TTN: variants seen among roughly 807,000 people sequenced by gnomAD.
The protein encoded by TTN is titin.
Under a neutral mutation model 3,223.0 loss-of-function variants are expected in TTN, and 1,525 were observed. The observed-to-expected ratio is 0.47, with a 90% CI of 0.45 to 0.49. The LOEUF (loss-of-function observed/expected upper bound fraction) is 0.49, where lower values mean the gene tolerates loss of function less well. Among genes scored for constraint, TTN ranks in the 20% least tolerant of loss-of-function variants. TTN has a pLI of 0.00. For missense variants in TTN, 40,786 were observed against 43,424.0 expected (o/e 0.94, Z 5.40); for synonymous variants, 14,094 against 15,161.0 (o/e 0.93, Z 5.17).
At chr2:178,706,813 TA>T in intron 101 of TTN, 48 bp downstream of exon 101, 2 of 1,600,518 alleles carry the variant, frequency 1.2e-6, no homozygotes, top group Admixed American at 1.7e-5. Context: ...AAATCATAAG[TA>T]AAAGGTATAA....
At chr2:178,556,812 A>G (rs1438600874) in intron 330 of TTN, 36 bp downstream of exon 330, 1 of 1,606,776 alleles carries the variant, frequency 6.2e-7, no homozygotes, top group South Asian at 1.1e-5. Context: ...ACTGAGTTAA[A>G]TAGCAATTTT....
rs2068006652 is a variant in TTN, at chr2:178,675,999, T to G, written c.34379-4A>C. The G allele has an allele frequency of 1.3e-6, 2 of 1,593,318 alleles. No homozygotes were observed. Among genetic ancestry groups the G allele is most frequent in the Admixed American group, 1.8e-5 (1 of 56,980 alleles). ...ACTTTCTTCTTAATTTCAGGCACTT[T>G]AAAGACATCATTTCATGATAAGGAT... On this transcript the variant is annotated splice_polypyrimidine_tract_variant and splice_region_variant and intron_variant, in intron 147 of 362. Coordinates refer to ENST00000589042, the MANE Select transcript of TTN (RefSeq NM_001267550.2).
In TTN at chr2:178,536,091, G is replaced by T; in HGVS notation, c.100656C>A (p.Tyr33552Ter). 1 of 1,611,204 alleles carries T rather than the reference G, an allele frequency of 6.2e-7. No homozygotes were observed. The highest frequency in any genetic ancestry group is 8.5e-7 in the Non-Finnish European group (1 of 1,177,820). ...TGACACTTGCAATGATGAGCTGGTG[G>T]TAGCCACCCTTAAATTCTTGAATCC... ...KYRIQEFKGG[Y>*]HQLIIASVTD... The change falls in exon 357 of 363, where the codon TAC becomes TAA. Residue 33552 changes from tyrosine (Y) to a stop codon, truncating the protein, a stop_gained. Coordinates refer to ENST00000589042, the MANE Select transcript of TTN (RefSeq NM_001267550.2). LOFTEE classifies it high-confidence loss of function.
Position 178,720,505 on chromosome 2 carries a change from T to C in TTN, c.23257A>G (p.Lys7753Glu). 6.2e-7 allele frequency: 1 copy of C among 1,613,690 alleles called. No homozygotes were observed. Among genetic ancestry groups the C allele is most frequent in the Non-Finnish European group, 8.5e-7 (1 of 1,179,682 alleles). ...RNSKKFKITSKHFDTSLHILN... is the reference protein window; with the variant it reads ...RNSKKFKITSEHFDTSLHILN... ...ATATGAAGACTTGTATCAAAATGTT[T>C]TGAAGTGATTTTAAATTTCTTGCTG... The change falls in exon 80 of 363, where the codon AAA (lysine) becomes GAA (glutamate). Residue 7753 changes from lysine (K) to glutamate (E), a missense_variant. Coordinates refer to ENST00000589042, the MANE Select transcript of TTN (RefSeq NM_001267550.2).
At position 178,736,068 on chromosome 2, in the gene TTN, T is replaced by A. The variant is rs747740872; in HGVS notation, c.14378A>T (p.Tyr4793Phe). The A allele has an allele frequency of 1.3e-6, 2 of 1,559,350 alleles. No individual in the cohort carries two copies. Among genetic ancestry groups the A allele is most frequent in the African/African-American group, 1.4e-5 (1 of 72,616 alleles). ...AGGTCTGGAGAGAAAGGTTGGTGGA[T>A]ATGCCTCTGCAAAAGAAATTTTTCC... ...CTATLTVTEA[Y>F]PPTFLSRPKS... is the part of the protein sequence containing the mutation. The change falls in exon 50 of 363, where the codon TAT becomes TTT. Residue 4793 changes from tyrosine (Y) to phenylalanine (F), a missense_variant. Physicochemically the swap from Tyr to Phe is conservative, Grantham distance 22 (BLOSUM62 3). Transcript: ENST00000589042.
In TTN at chr2:178,766,565, G is replaced by A. The variant is rs151129843; in HGVS notation, c.9519C>T (p.Asp3173=). 1.0e-4 allele frequency: 167 copies of A among 1,613,940 alleles called. No homozygotes were observed. The East Asian group carries it at 2.1e-3, about 20-fold the overall frequency. The change falls in exon 41 of 363, where the codon GAC becomes GAT. Residue 3173 remains aspartate (D), a synonymous_variant. Coordinates refer to ENST00000589042, the MANE Select transcript of TTN (RefSeq NM_001267550.2). ...CTTTATACCAGTGGGCATCAACATC[G>A]TCTTCATTGACCTCAAATTCAACAA... ...RAVVEFEVNE[D]DVDAHWYKDG...
Position 178,802,246 on chromosome 2 carries a change from C to T in TTN, c.187G>A (p.Ala63Thr), listed in dbSNP as rs764892312. 37 of 1,613,838 alleles carry T rather than the reference C, an allele frequency of 2.3e-5. 1 individual carries two copies. The highest frequency in any genetic ancestry group is 2.0e-4 in the East Asian group (9 of 44,864). Residue 63 changes from alanine to threonine, a missense_variant, in exon 3 of 363, where the codon GCT becomes ACT. Coordinates refer to ENST00000589042, the MANE Select transcript of TTN (RefSeq NM_001267550.2). ...GTCACGGCGGGGATCGTCAGTTTAG[C>T]GCGGCCATCGCTAAAGGAGATCTGC... The part of the protein sequence containing the change: ...GVQISFSDGR[A>T]KLTIPAVTKA...
At chr2:178,725,297 A>C in intron 71 of TTN, 71 bp downstream of exon 71, 1 of 1,383,986 alleles carries the variant, frequency 7.2e-7, no homozygotes, top group Non-Finnish European at 9.4e-7. Flanking sequence ...CAGAAAAAGA[A>C]TCTGCCAGTA....
In TTN at chr2:178,590,589, T is replaced by G; in HGVS notation, c.61136A>C (p.Lys20379Thr). The change falls in exon 304 of 363, where the codon AAA becomes ACA. Residue 20379 changes from lysine (K) to threonine (T), a missense_variant. Coordinates refer to ENST00000589042, the MANE Select transcript of TTN (RefSeq NM_001267550.2). ...TGTTTCTCTGCTCTTGTCTTTCAGT[T>G]TAGGATTAATAGGTGGTCCAGGTGG... ...IKPPGPPINP[K>T]LKDKSRETAD... 6.2e-7 allele frequency: 1 copy of G among 1,612,554 alleles called. No homozygotes were observed. The highest frequency in any genetic ancestry group is 1.7e-5 in the Admixed American group (1 of 59,890).
In TTN at chr2:178,535,637, C is replaced by T. The variant is rs1355308623; in HGVS notation, c.100978G>A (p.Glu33660Lys). 6.2e-7 allele frequency: 1 copy of T among 1,613,844 alleles called. No homozygotes were observed. Among genetic ancestry groups the T allele is most frequent in the Admixed American group, 1.7e-5 (1 of 60,010 alleles). The change falls in exon 358 of 363, where the codon GAG becomes AAG. Residue 33660 changes from glutamate to lysine, a missense_variant. Physicochemically the swap from Glu to Lys is moderately conservative, Grantham distance 56. Coordinates refer to ENST00000589042, the MANE Select transcript of TTN (RefSeq NM_001267550.2). ...ACATAGAAACCAGCATCTTTTCTCTCTACCCCATTGGGGAAAACAAGTGAT... is the reference window on the plus strand; with the variant it reads ...ACATAGAAACCAGCATCTTTTCTCTTTACCCCATTGGGGAAAACAAGTGAT... ...FTSLVFPNGV[E>K]RKDAGFYVVC...
At position 178,590,055 on chromosome 2, in the gene TTN, T is replaced by C. The variant is rs1472565206; in HGVS notation, c.61670A>G (p.His20557Arg). 2 of 1,613,178 alleles carry C rather than the reference T, an allele frequency of 1.2e-6. No homozygotes were observed. The highest frequency in any genetic ancestry group is 1.3e-5 in the African/African-American group (1 of 75,008). The change falls in exon 304 of 363, where the codon CAT (histidine) becomes CGT (arginine). Residue 20557 changes from histidine (H) to arginine (R), a missense_variant. His to Arg is a conservative substitution (Grantham distance 29). Coordinates refer to ENST00000589042, the MANE Select transcript of TTN (RefSeq NM_001267550.2). Reference sequence around the variant, plus strand: ...GTTAACGATGGCTGAACCTTGGGCATGTCCACTGCTGTTCTTAGCTGAGAT... The same window carrying C: ...GTTAACGATGGCTGAACCTTGGGCACGTCCACTGCTGTTCTTAGCTGAGAT... Reference protein sequence around the residue: ...YIISAKNSSGHAQGSAIVNVL... With the variant: ...YIISAKNSSGRAQGSAIVNVL...
chr2:178,685,033 T>C, intron 129 of TTN, 44 bp from the exon 130 acceptor site: 3 of 1,473,018 alleles, frequency 2.0e-6, no homozygotes, highest in East Asian at 2.3e-5. Context: ...GCCTTACATA[T>C]GAAGTGACAC....
rs773875566 is a variant in TTN, at chr2:178,769,679, G to T, written c.8902C>A (p.Pro2968Thr). The T allele has an allele frequency of 6.2e-6, 10 of 1,611,878 alleles. No individual in the cohort carries two copies. Among genetic ancestry groups the T allele is most frequent in the South Asian group, 1.1e-5 (1 of 90,986 alleles). Residue 2968 changes from proline (P) to threonine (T), a missense_variant and splice_region_variant, in exon 37 of 363, where the codon CCA (proline) becomes ACA (threonine). By Grantham distance (38) the Pro-to-Thr change is conservative. Transcript: ENST00000589042. ...DQVSATLTVT[P>T]IMITSMLKDI... ...TATATATATATATTTTTTAACTTAC[G>T]GGTGACTGTCAGGGTGGCACTGACT...
Position 178,616,800 on chromosome 2 carries a change from T to C in TTN, c.48089A>G (p.Lys16030Arg), listed in dbSNP as rs1262384504. The C allele has an allele frequency of 1.2e-6, 2 of 1,612,814 alleles. No homozygotes were observed. The change falls in exon 256 of 363, where the codon AAG becomes AGG. Residue 16030 changes from lysine to arginine, a missense_variant. By Grantham distance (26) the Lys-to-Arg change is conservative (BLOSUM62 2). Transcript: ENST00000589042. ...TTCTAATTTCAGTGTATAAATGCCC[T>C]TGTCTGAACGTTCACTTGGAGAAAT... ...LVISPSERSD[K>R]GIYTLKLENR...
At chr2:178,742,052 T>C (rs2082585022) in intron 47 of TTN, 131 bp from the exon 48 acceptor site, 1 of 742,370 alleles carries the variant, frequency 1.3e-6, no homozygotes, top group Non-Finnish European at 1.8e-6. Flanking sequence ...TATTCCAAGA[T>C]TAATGTATCA....
intron 111 of TTN, among the ~76,000 whole-genome samples, chr2:178,699,761 C>CT (rs1179829041): frequency 9.2e-6 from 1 of 108,926 alleles, no homozygotes; most frequent in Non-Finnish European, 1.7e-5. Context: ...GAGTCTCACT[C>CT]TGTCACCCAG....
intron 350 of TTN, 143 bp downstream of exon 350, chr2:178,541,139 A>T: frequency 1.2e-6 from 1 of 851,324 alleles, no homozygotes; most frequent in Non-Finnish European, 1.6e-6. Flanking sequence ...CGGGGTAATA[A>T]AAATATTCCA....
intron 149 of TTN, 136 bp from the exon 150 acceptor site, chr2:178,675,249 G>T: frequency 1.9e-6 from 1 of 536,926 alleles, no homozygotes; most frequent in Admixed American, 4.1e-5. Flanking sequence ...ACATTTCACA[G>T]AATCGGTTAA....
intron 157 of TTN, among the ~76,000 whole-genome samples, 159 bp from the exon 158 acceptor site, chr2:178,669,834 T>C (rs1015918715): frequency 6.6e-6 from 1 of 152,124 alleles, no homozygotes; most frequent in Non-Finnish European, 1.5e-5. Context: ...CTGAATTGCT[T>C]TGTCGATGAG....
Sources: allele counts gnomAD v4.1 joint callset (sites outside exome capture counted in the v4.1 genomes callset), GRCh38; gene constraint gnomAD v4.1.1; transcripts MANE v1.5; gene names NCBI Gene and HGNC (gene_info 2026-07-23, HGNC 2026-07-21).